ANXA8: variants seen among roughly 807,000 people sequenced by gnomAD.
ANXA8 encodes VAC-beta.
ANXA8 carries 9 observed loss-of-function variants against 26.8 expected under a neutral mutation model. The ratio of observed to expected loss-of-function variants is 0.34; its 90% CI spans 0.20 to 0.59. The LOEUF (loss-of-function observed/expected upper bound fraction) is 0.59, where lower values mean the gene tolerates loss of function less well. Ranked by LOEUF, ANXA8 falls within the 20% of genes least tolerant of loss-of-function variation. The probability of loss-of-function intolerance (pLI) is 0.84; values close to 1 mark genes in which losing one functional copy is unlikely to be tolerated. For synonymous variants in ANXA8, 39 were observed against 94.8 expected (o/e 0.41, Z 3.42); for missense variants, 83 against 238.5 (o/e 0.35, Z 4.29).
the ANXA8 span, among the ~76,000 whole-genome samples, chr10:47,744,098 T>C: frequency 6.8e-6 from 1 of 146,326 alleles, no homozygotes; most frequent in African/African-American, 2.5e-5. Context: ...AAGGCAGCAA[T>C]GGAATGAAAG....
At chr10:47,673,759 C>G in the ANXA8 span, among the ~76,000 whole-genome samples, 1 of 151,806 alleles carries the variant, frequency 6.6e-6, no homozygotes, top group Non-Finnish European at 1.5e-5. Context: ...AATGCTGCCT[C>G]TAGTTTTTCC....
chr10:47,669,073 C>T, the ANXA8 span, among the ~76,000 whole-genome samples: 2 of 151,662 alleles, frequency 1.3e-5, no homozygotes, highest in South Asian at 4.1e-4. Flanking sequence ...CATTAAGCCT[C>T]CCCCGCACCA....
the ANXA8 span, among the ~76,000 whole-genome samples, chr10:47,686,582 T>C: frequency 2.6e-5 from 4 of 151,974 alleles, no homozygotes; most frequent in African/African-American, 9.7e-5. Context: ...CTCTCTATTA[T>C]TGTTTTGAAT....
intron 6 of ANXA8, 64 bp downstream of exon 6, chr10:47,475,429 T>TCCCAA (rs1839504685): frequency 3.4e-5 from 54 of 1,608,878 alleles, no homozygotes; most frequent in Non-Finnish European, 4.6e-5. Flanking sequence ...CAAGGGCTGC[T>TCCCAA]CCCTGGGGTG....
At chr10:47,590,531 C>T in the ANXA8 span, among the ~76,000 whole-genome samples, 1 of 146,342 alleles carries the variant, frequency 6.8e-6, no homozygotes, top group Non-Finnish European at 1.5e-5. Context: ...TTGGTTTGTG[C>T]CTTTTTTGGA....
At chr10:47,966,413 G>A in the ANXA8 span, among the ~76,000 whole-genome samples, 8 of 151,100 alleles carry the variant, frequency 5.3e-5, no homozygotes, top group African/African-American at 1.4e-4. Flanking sequence ...TCAATGACCC[G>A]AATCCCTGGA....
At chr10:47,500,523 G>C in the ANXA8 span, among the ~76,000 whole-genome samples, 7 of 150,204 alleles carry the variant, frequency 4.7e-5, no homozygotes, top group South Asian at 4.3e-4. Context: ...GGTAGCAAAA[G>C]CTGTATGCAA....
the ANXA8 span, among the ~76,000 whole-genome samples, chr10:47,971,142 G>A: frequency 1.3e-5 from 2 of 151,242 alleles, no homozygotes; most frequent in African/African-American, 4.8e-5. Context: ...TGGTTTGTTG[G>A]TGGCTGCCTC....
chr10:47,575,198 CA>C, the ANXA8 span, among the ~76,000 whole-genome samples: 106 of 107,276 alleles, frequency 9.9e-4, no homozygotes, highest in East Asian at 4.7e-3. Flanking sequence ...GAGTGAAACT[CA>C]AAAAAAAAAA....
the ANXA8 span, among the ~76,000 whole-genome samples, chr10:47,600,437 G>T: frequency 6.8e-6 from 1 of 147,946 alleles, no homozygotes; most frequent in Non-Finnish European, 1.5e-5. Context: ...CAACCCATCG[G>T]GATGTTGGAT....
the ANXA8 span, among the ~76,000 whole-genome samples, chr10:47,676,350 A>G: frequency 2.0e-5 from 3 of 151,896 alleles, no homozygotes; most frequent in Non-Finnish European, 4.4e-5. Flanking sequence ...AGCAAGTTAA[A>G]TACAAAACAA....
the ANXA8 span, chr10:47,564,865 C>T: frequency 2.4e-6 from 3 of 1,234,130 alleles, no homozygotes. Context: ...AGCCTGACTT[C>T]ATCTACCAGA....
At chr10:47,620,094 G>T in the ANXA8 span, among the ~76,000 whole-genome samples, 5 of 110,980 alleles carry the variant, frequency 4.5e-5, no homozygotes, top group African/African-American at 1.7e-4. Context: ...CTGCTTCAAG[G>T]CAGAATCCTA....
chr10:47,623,843 C>T, the ANXA8 span, among the ~76,000 whole-genome samples: 2 of 87,272 alleles, frequency 2.3e-5, 1 homozygote, highest in African/African-American at 9.5e-5. Context: ...TGTATATGCT[C>T]TGATGATCAG....
chr10:47,920,233 G>T, the ANXA8 span, among the ~76,000 whole-genome samples: 1 of 93,050 alleles, frequency 1.1e-5, no homozygotes, highest in African/African-American at 6.7e-5. Flanking sequence ...GACCAAATGA[G>T]ACTCTTTTTT....
chr10:47,658,060 G>T, the ANXA8 span, among the ~76,000 whole-genome samples: 1 of 151,768 alleles, frequency 6.6e-6, no homozygotes, highest in South Asian at 2.1e-4. Context: ...TTCTCCATCT[G>T]TCAGTATGTT....
the ANXA8 span, among the ~76,000 whole-genome samples, chr10:47,656,397 C>CA: frequency 5.4e-5 from 8 of 148,334 alleles, no homozygotes; most frequent in Non-Finnish European, 1.0e-4. Flanking sequence ...AACCCTGTCT[C>CA]AAAAAACCCA....
the ANXA8 span, among the ~76,000 whole-genome samples, chr10:47,580,211 C>T: frequency 9.5e-4 from 144 of 152,214 alleles, no homozygotes; most frequent in African/African-American, 3.2e-3. Flanking sequence ...TGACCTACTG[C>T]GCCCAGTCAA....
chr10:47,631,826 T>C, the ANXA8 span, among the ~76,000 whole-genome samples: 1 of 151,470 alleles, frequency 6.6e-6, no homozygotes, highest in Non-Finnish European at 1.5e-5. Context: ...TATTAGAGTA[T>C]GCTAGTGCTC....
Sources: allele counts gnomAD v4.1 joint callset (sites outside exome capture counted in the v4.1 genomes callset), GRCh38; gene constraint gnomAD v4.1.1; transcripts MANE v1.5; gene names NCBI Gene and HGNC (gene_info 2026-07-23, HGNC 2026-07-21).